The following KAZN variants were observed in gnomAD, a reference collection of about 807,000 sequenced individuals.
KAZN encodes the protein kazrin, periplakin interacting protein.
A neutral mutation model predicts 87.4 loss-of-function variants in KAZN; 40 were observed. The ratio of observed to expected loss-of-function variants is 0.46; its 90% CI spans 0.36 to 0.60. The LOEUF is 0.60. KAZN is among the 20% of genes least tolerant of loss of function. KAZN has a pLI of 0.00. For missense variants in KAZN, 898 were observed against 1,073.9 expected, an observed-to-expected ratio of 0.84 and a Z score of 2.29; for synonymous variants, 466 against 458.3, an observed-to-expected ratio of 1.02 and a Z score of -0.22.
At chr1:13,974,112 A>G (rs1416029565) in intron 1 of KAZN, among the ~76,000 whole-genome samples, 1 of 152,248 alleles carries the variant, frequency 6.6e-6, no homozygotes, top group Admixed American at 6.5e-5. Context: ...GATTGTGACA[A>G]TGTGTGTGAA....
chr1:14,700,403 G>C (rs1028502256), intron 1 of KAZN, among the ~76,000 whole-genome samples: 1 of 151,922 alleles, frequency 6.6e-6, no homozygotes, highest in Non-Finnish European at 1.5e-5. Context: ...CCCGGGAGGT[G>C]GAGGTTGCAG....
intron 1 of KAZN, among the ~76,000 whole-genome samples, chr1:14,602,972 A>G (rs536905148): frequency 6.6e-6 from 1 of 152,218 alleles, no homozygotes; most frequent in Non-Finnish European, 1.5e-5. Flanking sequence ...GTACATTTCC[A>G]TAAATGCGTG....
intron 2 of KAZN, among the ~76,000 whole-genome samples, chr1:14,982,298 G>A (rs1251382507): frequency 2.0e-5 from 3 of 152,108 alleles, no homozygotes; most frequent in Non-Finnish European, 2.9e-5. Context: ...AAGTTTCTCT[G>A]AGCCTTTAAA....
intron 2 of KAZN, among the ~76,000 whole-genome samples, chr1:14,970,476 G>A (rs1664910934): frequency 6.6e-6 from 1 of 152,208 alleles, no homozygotes; most frequent in African/African-American, 2.4e-5. Flanking sequence ...CTACACATTT[G>A]CAACAAACTT....
At chr1:14,512,402 A>C (rs1049852193) in intron 2 of KAZN, among the ~76,000 whole-genome samples, 1 of 151,990 alleles carries the variant, frequency 6.6e-6, no homozygotes, top group Non-Finnish European at 1.5e-5. Context: ...TGCCAGCAGC[A>C]CTCACCGCCC....
chr1:14,220,175 G>A (rs1414065921), intron 2 of KAZN, among the ~76,000 whole-genome samples: 2 of 152,088 alleles, frequency 1.3e-5, no homozygotes, highest in African/African-American at 4.8e-5. Context: ...GTCATATGCA[G>A]TTAACATGGA....
At chr1:13,947,462 G>A (rs1274529179) in intron 1 of KAZN, among the ~76,000 whole-genome samples, 18 of 152,218 alleles carry the variant, frequency 1.2e-4, no homozygotes, top group African/African-American at 4.1e-4. Context: ...TGGGGATTAT[G>A]GGGATTACAA....
At chr1:14,404,728 T>G (rs770767904) in intron 2 of KAZN, among the ~76,000 whole-genome samples, 7 of 152,192 alleles carry the variant, frequency 4.6e-5, no homozygotes, top group Non-Finnish European at 8.8e-5. Flanking sequence ...AATGAAGTAC[T>G]GAAAATTCTC....
chr1:14,186,512 C>T lies in KAZN; in HGVS notation c.249+5920C>T, dbSNP rs374868018. Among the ~76,000 whole-genome samples, 11 of 152,206 alleles carry T rather than the reference C, an allele frequency of 7.2e-5. No homozygotes were observed. The East Asian group carries it at 1.5e-3, about 21-fold the overall frequency. On this transcript the variant is annotated intron_variant, in intron 2 of 16. Transcript: ENST00000636203. Reference sequence around the variant, plus strand: ...AAAAGCTTAAAAGCAATTGTTTCAGCGTGCTGTGGTTAGGACAACTTGGCT... The same window carrying T: ...AAAAGCTTAAAAGCAATTGTTTCAGTGTGCTGTGGTTAGGACAACTTGGCT...
At chr1:14,514,303 T>A (rs747368266) in intron 2 of KAZN, among the ~76,000 whole-genome samples, 3 of 110,006 alleles carry the variant, frequency 2.7e-5, no homozygotes, top group Non-Finnish European at 5.4e-5. Context: ...CCAGCCTGGG[T>A]GACAGAGCAA....
chr1:15,107,150 C>A (rs1008789858), intron 13 of KAZN, among the ~76,000 whole-genome samples: 1 of 152,146 alleles, frequency 6.6e-6, no homozygotes, highest in South Asian at 2.1e-4. Context: ...AGAATAGTGC[C>A]CCTTTTGCCA....
At chr1:14,141,961 A>ATT (rs5772566) in intron 1 of KAZN, among the ~76,000 whole-genome samples, 2 of 151,874 alleles carry the variant, frequency 1.3e-5, no homozygotes, top group Admixed American at 6.6e-5. Context: ...GAGAATTGAT[A>ATT]TTTTTTCCCC....
chr1:15,019,211 C>G (rs1157509319), intron 2 of KAZN, among the ~76,000 whole-genome samples: 1 of 152,184 alleles, frequency 6.6e-6, no homozygotes, highest in Non-Finnish European at 1.5e-5. Flanking sequence ...CTCCCCACTG[C>G]ACCCCCATTC....
intron 1 of KAZN, among the ~76,000 whole-genome samples, chr1:14,718,770 A>T (rs1247550116): frequency 5.3e-5 from 8 of 151,838 alleles, no homozygotes; most frequent in Non-Finnish European, 2.9e-5. Flanking sequence ...GTTTAATTTA[A>T]CTCCTAAACT....
intron 1 of KAZN, among the ~76,000 whole-genome samples, chr1:14,899,879 G>A (rs541338764): frequency 2.0e-5 from 3 of 152,188 alleles, no homozygotes; most frequent in Non-Finnish European, 4.4e-5. Context: ...ATTCAGAGTG[G>A]CAGGTTCCTA....
intron 1 of KAZN, among the ~76,000 whole-genome samples, chr1:14,796,080 C>T (rs769598083): frequency 1.1e-4 from 16 of 152,196 alleles, no homozygotes; most frequent in Non-Finnish European, 1.9e-4. Flanking sequence ...GGCCCCACTT[C>T]GCCTCTCTTC....
At chr1:13,967,158 G>A (rs1641975911) in intron 1 of KAZN, among the ~76,000 whole-genome samples, 1 of 152,164 alleles carries the variant, frequency 6.6e-6, no homozygotes, top group African/African-American at 2.4e-5. Context: ...AAACTCTCAG[G>A]AAGTTGTAAA....
intron 1 of KAZN, among the ~76,000 whole-genome samples, chr1:14,100,274 C>T (rs777739569): frequency 1.3e-5 from 2 of 152,174 alleles, no homozygotes; most frequent in Non-Finnish European, 2.9e-5. Flanking sequence ...GAGGCATACA[C>T]GGAGTCAATG....
At chr1:15,036,349 C>T (rs1672320373) in intron 3 of KAZN, among the ~76,000 whole-genome samples, 1 of 142,884 alleles carries the variant, frequency 7.0e-6, no homozygotes, top group Admixed American at 7.0e-5. Flanking sequence ...CCCTGCCCTG[C>T]CTGCTCGGCC....
Sources: gnomAD v4.1 joint callset for allele counts (sites outside exome capture counted in the v4.1 genomes callset) on GRCh38, gnomAD v4.1.1 for gene constraint, MANE v1.5 for transcripts, NCBI Gene and HGNC (gene_info 2026-07-23, HGNC 2026-07-21) for gene names.